PRMT8: variants seen among roughly 807,000 people sequenced by gnomAD.
PRMT8 encodes the protein protein arginine methyltransferase 8.
Under a neutral mutation model 47.1 loss-of-function variants are expected in PRMT8, and 7 were observed. The observed-to-expected ratio is 0.15, with a 90% confidence interval of 0.08 to 0.28. The LOEUF is 0.28. PRMT8 is among the 10% of genes least tolerant of loss of function. The probability of loss-of-function intolerance (pLI) is 1.00; values close to 1 mark genes in which losing one functional copy is unlikely to be tolerated. For missense variants in PRMT8, 237 were observed against 505.4 expected (o/e 0.47, Z 5.09); for synonymous variants, 188 against 186.5 (o/e 1.01, Z -0.07).
At chr12:3,451,639 C>T (rs1864920067) in intron 1 of PRMT8, among the ~76,000 whole-genome samples, 1 of 152,160 alleles carries the variant, frequency 6.6e-6, no homozygotes, top group South Asian at 2.1e-4. Flanking sequence ...TTTCGTGCTC[C>T]AACAGTTAGA....
At chr12:3,513,104 C>T (rs147587962) in intron 1 of PRMT8, among the ~76,000 whole-genome samples, 1 of 152,162 alleles carries the variant, frequency 6.6e-6, no homozygotes, top group African/African-American at 2.4e-5. Context: ...CTGCGTCTAC[C>T]ATGCAGCACT....
chr12:3,490,113 T>G (rs577833267), upstream of PRMT8, among the ~76,000 whole-genome samples: 1 of 152,188 alleles, frequency 6.6e-6, no homozygotes, highest in South Asian at 2.1e-4. Context: ...GGGAGGGACC[T>G]CCCCAAACAA....
At chr12:3,468,120 G>A (rs1480296055) in intron 1 of PRMT8, among the ~76,000 whole-genome samples, 1 of 152,208 alleles carries the variant, frequency 6.6e-6, no homozygotes, top group East Asian at 1.9e-4. Context: ...GAGGGCCTTC[G>A]AAAGAACTTA....
chr12:3,579,018 T>C lies in PRMT8; in HGVS notation c.828+2032T>C, dbSNP rs3782746. Among the ~76,000 whole-genome samples, 20 of 152,214 alleles carry C rather than the reference T, an allele frequency of 1.3e-4. 1 individual carries two copies. The East Asian group carries it at 3.9e-3, about 29-fold the overall frequency. ...GCAGGATTAATTGTGAGCAAATGTGTCCTTTTGTTTCTTTCTACCAGTCCC... is the reference window on the plus strand; with the variant it reads ...GCAGGATTAATTGTGAGCAAATGTGCCCTTTTGTTTCTTTCTACCAGTCCC... On this transcript the variant is annotated intron_variant, in intron 7 of 9. Transcript: ENST00000382622.
intron 4 of PRMT8, among the ~76,000 whole-genome samples, chr12:3,561,110 T>G (rs1866628859): frequency 6.6e-6 from 1 of 152,224 alleles, no homozygotes; most frequent in Middle Eastern, 3.2e-3. Flanking sequence ...CCACAAGTGC[T>G]ACACATCCCC....
At chr12:3,494,270 G>A (rs1865470525) in intron 1 of PRMT8, among the ~76,000 whole-genome samples, 1 of 152,146 alleles carries the variant, frequency 6.6e-6, no homozygotes, top group South Asian at 2.1e-4. Flanking sequence ...CAGTCTCATG[G>A]ACAACTATGA....
chr12:3,536,405 C>G (rs1866118508), intron 1 of PRMT8, among the ~76,000 whole-genome samples: 1 of 152,198 alleles, frequency 6.6e-6, no homozygotes, highest in African/African-American at 2.4e-5. Flanking sequence ...TGGCACACGG[C>G]AGACACTTCA....
chr12:3,563,832 AC>A (rs1289596888), intron 4 of PRMT8, among the ~76,000 whole-genome samples: 1 of 152,180 alleles, frequency 6.6e-6, no homozygotes, highest in Non-Finnish European at 1.5e-5. Context: ...GAAGTAACAT[AC>A]GGAAAATCAC....
intron 2 of PRMT8, among the ~76,000 whole-genome samples, chr12:3,541,648 T>C (rs1375968353): frequency 6.6e-6 from 1 of 152,260 alleles, no homozygotes; most frequent in African/African-American, 2.4e-5. Flanking sequence ...AAACAAGTCT[T>C]GAAGATCTTC....
At chr12:3,574,805 A>G (rs921920058) in intron 6 of PRMT8, among the ~76,000 whole-genome samples, 1 of 152,226 alleles carries the variant, frequency 6.6e-6, no homozygotes, top group Non-Finnish European at 1.5e-5. Flanking sequence ...GCCTTTAACC[A>G]TTACATGCAT....
Position 3,550,206 on chromosome 12 carries a change from A to C in PRMT8, c.417+115A>C. The C allele has an allele frequency of 7.5e-7, 1 of 1,340,642 alleles. No homozygotes were observed. The highest frequency in any genetic ancestry group is 1.0e-6 in the Non-Finnish European group (1 of 966,252). 83.0% of individuals were successfully genotyped at this position (1,340,642 alleles called of 1,614,324 possible). A position where few individuals can be genotyped will look rare whatever the true frequency, so the allele number is the denominator to read the frequency against. On this transcript the variant is annotated intron_variant, in intron 3 of 9. Coordinates refer to ENST00000382622, the MANE Select transcript of PRMT8 (RefSeq NM_019854.5). This position sits in a 1 kb window ranked among gnomAD's most constrained non-coding sequence, Gnocchi z 5.1. ...TTGGTCCATCTCTTTTGCTGGGGTC[A>C]CACCTTCGAGGAGTAGAAGAAATCA...
upstream of PRMT8, among the ~76,000 whole-genome samples, chr12:3,489,658 T>G (rs1865354709): frequency 6.6e-6 from 1 of 152,070 alleles, no homozygotes; most frequent in Non-Finnish European, 1.5e-5. Flanking sequence ...CACATTTATT[T>G]TCCTACCACT....
intron 1 of PRMT8, among the ~76,000 whole-genome samples, chr12:3,422,235 A>G (rs901166090): frequency 3.3e-5 from 5 of 152,226 alleles, no homozygotes; most frequent in African/African-American, 1.2e-4. Context: ...CTGAGGTGTC[A>G]GCTCCACCTG....
chr12:3,421,066 A>G (rs1298804110), intron 1 of PRMT8, among the ~76,000 whole-genome samples: 2 of 152,252 alleles, frequency 1.3e-5, no homozygotes, highest in African/African-American at 4.8e-5. Flanking sequence ...CAAGGAAAAT[A>G]TAAGACTTTC....
chr12:3,405,579 C>T (rs1864364658), intron 1 of PRMT8, among the ~76,000 whole-genome samples: 1 of 152,214 alleles, frequency 6.6e-6, no homozygotes, highest in Non-Finnish European at 1.5e-5. Flanking sequence ...AGATACAATG[C>T]AGGTACAGGC....
Position 3,552,530 on chromosome 12 carries a change from C to T in PRMT8, c.418-1121C>T, listed in dbSNP as rs182080217. The T allele has an allele frequency of 3.1e-6, 1 of 323,642 alleles. No individual in the cohort carries two copies. Among genetic ancestry groups the T allele is most frequent in the Admixed American group, 4.0e-5 (1 of 25,198 alleles). The allele number at this position is 323,642 out of a possible 1,614,324, so 20.0% of individuals were successfully genotyped here. ...TCGCCTCTTGCAGATCAGATGATGA[C>T]ATGGCCAGAGGGGGAGAAGAAGAGG... On this transcript the variant is annotated intron_variant, in intron 3 of 9. Transcript: ENST00000382622. This position sits in a 1 kb window ranked among gnomAD's most constrained non-coding sequence, Gnocchi z 4.5.
At chr12:3,495,506 C>T (rs1865491381) in intron 1 of PRMT8, among the ~76,000 whole-genome samples, 1 of 152,242 alleles carries the variant, frequency 6.6e-6, no homozygotes, top group East Asian at 1.9e-4. Flanking sequence ...TCAAACGTTA[C>T]CTCCTCTGGG....
intron 1 of PRMT8, among the ~76,000 whole-genome samples, chr12:3,382,556 C>A (rs1864102478): frequency 6.6e-6 from 1 of 151,880 alleles, no homozygotes; most frequent in Non-Finnish European, 1.5e-5. Context: ...ATATCTTTTG[C>A]CCGTTTTCTA....
chr12:3,496,215 T>TATA lies in PRMT8; in HGVS notation c.75+4515_75+4516insATA, dbSNP rs1555085719. On this transcript the variant is annotated intron_variant, in intron 1 of 9. Coordinates refer to ENST00000382622, the MANE Select transcript of PRMT8 (RefSeq NM_019854.5). ...TTGGAAACTGATATATATATATATATTTTTTTTTTTTTTTTTTTTTTTTTT... is the reference window on the plus strand; with the variant it reads ...TTGGAAACTGATATATATATATATATATATTTTTTTTTTTTTTTTTTTTTTTTT... Among the ~76,000 whole-genome samples, 52 of 24,290 alleles carry TATA rather than the reference T, an allele frequency of 2.1e-3. 1 individual carries two copies. Among genetic ancestry groups the TATA allele is most frequent in the South Asian group, 0.02 (12 of 594 alleles). 15.9% of individuals were successfully genotyped at this position (24,290 alleles called of 152,430 possible).
Sources: gnomAD v4.1 joint callset for allele counts (sites outside exome capture counted in the v4.1 genomes callset) on GRCh38, gnomAD v4.1.1 for gene constraint, Gnocchi (gnomAD v3.1) non-coding constraint, MANE v1.5 for transcripts, NCBI Gene and HGNC (gene_info 2026-07-23, HGNC 2026-07-21) for gene names.